The following LPCAT2 variants were observed in gnomAD, a reference collection of about 807,000 sequenced individuals.
The protein encoded by LPCAT2 is 1-AGP acyltransferase 11.
A neutral mutation model predicts 64.7 loss-of-function variants in LPCAT2; 58 were observed. The observed-to-expected ratio is 0.90, with a 90% CI of 0.73 to 1.12. LPCAT2 has a LOEUF of 1.12. LPCAT2 is among the 50% of genes most tolerant of loss of function. LPCAT2 has a pLI of 0.00. For synonymous variants in LPCAT2, 252 were observed against 245.3 expected (o/e 1.03, Z -0.26); for missense variants, 579 against 669.8 (o/e 0.86, Z 1.50).
intron 1 of LPCAT2, among the ~76,000 whole-genome samples, chr16:55,510,450 G>C (rs529707324): frequency 1.5e-5 from 2 of 137,726 alleles, no homozygotes; most frequent in South Asian, 4.7e-4. Flanking sequence ...TTCTGCGGGG[G>C]TTGGGGGGGT....
Position 55,583,093 on chromosome 16 carries a change from G to A in LPCAT2, c.1630G>A (p.Asp544Asn). ...HEESTSDKKD[D>N] ...AGAGAGTACCTCAGACAAAAAAGAT[G>A]ACTGAAAGCAGTATTTCCAATAAGG... The change falls in exon 14 of 14, where the codon GAC becomes AAC. Residue 544 changes from aspartate (D) to asparagine (N), a missense_variant. Coordinates refer to ENST00000262134, the MANE Select transcript of LPCAT2 (RefSeq NM_017839.5). The A allele has an allele frequency of 1.9e-6, 3 of 1,610,608 alleles. No homozygotes were observed. The highest frequency in any genetic ancestry group is 1.3e-5 in the African/African-American group (1 of 74,812).
chr16:55,567,001 G>C, intron 11 of LPCAT2: 1 of 1,613,868 alleles, frequency 6.2e-7, no homozygotes, highest in Non-Finnish European at 8.5e-7. Context: ...AGGCGATTTC[G>C]GCAACAATTT....
chr16:55,578,619 A>G (rs1177832466), intron 12 of LPCAT2, among the ~76,000 whole-genome samples: 1 of 151,966 alleles, frequency 6.6e-6, no homozygotes, highest in East Asian at 1.9e-4. Flanking sequence ...TCTGCCTCAA[A>G]GTTTTCTCAG....
At chr16:55,526,600 A>G (rs1963173636) in intron 2 of LPCAT2, among the ~76,000 whole-genome samples, 1 of 152,200 alleles carries the variant, frequency 6.6e-6, no homozygotes, top group Non-Finnish European at 1.5e-5. Context: ...CAATGCTGGC[A>G]ATGCCCCAGA....
intron 6 of LPCAT2, among the ~76,000 whole-genome samples, chr16:55,533,214 C>T (rs765150602): frequency 6.6e-6 from 1 of 151,864 alleles, no homozygotes; most frequent in African/African-American, 2.4e-5. Flanking sequence ...TTCATTAACT[C>T]TAGAAAGAAA....
chr16:55,548,057 C>G (rs979757161), intron 9 of LPCAT2, among the ~76,000 whole-genome samples: 1 of 152,056 alleles, frequency 6.6e-6, no homozygotes, highest in African/African-American at 2.4e-5. Flanking sequence ...CGTGAGCCAC[C>G]GCACCTGGCC....
In LPCAT2 at chr16:55,574,507, A is replaced by G. The variant is rs113786856; in HGVS notation, c.1216-124A>G. The G allele has an allele frequency of 2.0e-3, 1,383 of 688,718 alleles. 20 individuals carry two copies. The African/African-American group carries it at 0.022, about 11-fold the overall frequency. 42.7% of individuals were successfully genotyped at this position (688,718 alleles called of 1,614,324 possible). A position where few individuals can be genotyped will look rare whatever the true frequency, so the allele number is the denominator to read the frequency against. On this transcript the variant is annotated intron_variant, in intron 11 of 13. Transcript: ENST00000262134. ...TTGCTTGCTGTTCCTTCTTAGTGAG[A>G]CTTTTCTCCAAATAGTGAATGATGA...
intron 6 of LPCAT2, among the ~76,000 whole-genome samples, chr16:55,533,395 T>C (rs1963279320): frequency 6.7e-6 from 1 of 149,446 alleles, no homozygotes; most frequent in African/African-American, 2.5e-5. Context: ...ACATCTTTTT[T>C]TGTTTTTCGG....
chr16:55,527,998 G>A (rs941324613), intron 2 of LPCAT2, among the ~76,000 whole-genome samples: 1 of 152,206 alleles, frequency 6.6e-6, no homozygotes, highest in Admixed American at 6.5e-5. Context: ...AGTAGGGGAT[G>A]TGTGTTGAGA....
chr16:55,535,873 G>C (rs1963317182), intron 7 of LPCAT2, among the ~76,000 whole-genome samples: 1 of 152,150 alleles, frequency 6.6e-6, no homozygotes, highest in Non-Finnish European at 1.5e-5. Context: ...AGCTTTTCTG[G>C]AAGAGGAACT....
At chr16:55,514,648 G>T (rs1962981820) in intron 1 of LPCAT2, among the ~76,000 whole-genome samples, 1 of 152,128 alleles carries the variant, frequency 6.6e-6, no homozygotes, top group Admixed American at 6.5e-5. Flanking sequence ...AAGATGTTTA[G>T]TTTTCATTTA....
At chr16:55,542,580 G>A (rs1170696310) in intron 8 of LPCAT2, among the ~76,000 whole-genome samples, 1 of 152,078 alleles carries the variant, frequency 6.6e-6, no homozygotes, top group Non-Finnish European at 1.5e-5. Context: ...GGCTGAGGAT[G>A]TGTGATTGGC....
intron 13 of LPCAT2, among the ~76,000 whole-genome samples, chr16:55,581,546 G>A (rs1395494831): frequency 2.0e-5 from 3 of 152,108 alleles, no homozygotes; most frequent in Non-Finnish European, 4.4e-5. Context: ...GGCATGATCA[G>A]AGGTCACTGC....
At chr16:55,544,035 T>C (rs1201621773) in intron 8 of LPCAT2, among the ~76,000 whole-genome samples, 2 of 152,204 alleles carry the variant, frequency 1.3e-5, no homozygotes, top group Non-Finnish European at 2.9e-5. Context: ...GGTCTTATTA[T>C]CTCTCCCATG....
At position 55,528,614 on chromosome 16, in the gene LPCAT2, C is replaced by A; in HGVS notation, c.529+20C>A. The A allele has an allele frequency of 6.5e-7, 1 of 1,540,828 alleles. No individual in the cohort carries two copies. Among genetic ancestry groups the A allele is most frequent in the Non-Finnish European group, 9.0e-7 (1 of 1,116,862 alleles). Reference sequence around the variant, plus strand: ...TTGGCAGTAAGTACTTGTAAGGTAACGTAGATAAAATATTTTCATGCTCAT... The same window carrying A: ...TTGGCAGTAAGTACTTGTAAGGTAAAGTAGATAAAATATTTTCATGCTCAT... On this transcript the variant is annotated intron_variant, in intron 3 of 13. Transcript: ENST00000262134.
intron 11 of LPCAT2, 61 bp from the exon 12 acceptor site, chr16:55,574,570 G>A: frequency 8.9e-7 from 1 of 1,126,758 alleles, no homozygotes; most frequent in Non-Finnish European, 1.4e-6. Context: ...TTACCTTGTA[G>A]TAGGATTAAT....
At chr16:55,511,998 T>C (rs1962939196) in intron 1 of LPCAT2, among the ~76,000 whole-genome samples, 1 of 152,200 alleles carries the variant, frequency 6.6e-6, no homozygotes, top group Non-Finnish European at 1.5e-5. Flanking sequence ...CACAGTACTC[T>C]TCCCCAGTAT....
Position 55,536,928 on chromosome 16 carries a change from C to T in LPCAT2, c.798-650C>T, listed in dbSNP as rs1025713099. On this transcript the variant is annotated intron_variant, in intron 7 of 13. Transcript: ENST00000262134. ...TGAAGCTTTTCAGATTTCCTCATAA[C>T]TAAAACATTTATTAATAACTGGGAC... Among the ~76,000 whole-genome samples, 18 of 152,198 alleles carry T rather than the reference C, an allele frequency of 1.2e-4. 1 individual carries two copies. Among genetic ancestry groups the T allele is most frequent in the Middle Eastern group, 6.8e-3 (2 of 294 alleles).
At chr16:55,562,682 A>G (rs188646398) in intron 11 of LPCAT2, among the ~76,000 whole-genome samples, 83 of 152,054 alleles carry the variant, frequency 5.5e-4, no homozygotes, top group African/African-American at 2.0e-3. Flanking sequence ...TAACCTAAGT[A>G]CTGAGCCCAA....
Sources: allele counts gnomAD v4.1 joint callset (sites outside exome capture counted in the v4.1 genomes callset), GRCh38; gene constraint gnomAD v4.1.1; transcripts MANE v1.5; gene names NCBI Gene and HGNC (gene_info 2026-07-23, HGNC 2026-07-21).